Variants in NCAPH2 observed in about 807,000 individuals in gnomAD.
NCAPH2 encodes the protein condensin-2 complex subunit H2.
In NCAPH2, 56 loss-of-function variants were observed where a neutral mutation model predicts 88.6. The ratio of observed to expected loss-of-function variants is 0.63; its 90% CI spans 0.51 to 0.79. The LOEUF (loss-of-function observed/expected upper bound fraction) is 0.79. Among genes scored for constraint, NCAPH2 ranks in the 30% least tolerant of loss-of-function variants. The pLI, the probability that NCAPH2 is intolerant of heterozygous loss-of-function variation, is 0.00. For missense variants in NCAPH2, 794 were observed against 792.0 expected (o/e 1.00, Z -0.03); for synonymous variants, 378 against 313.6 (o/e 1.21, Z -2.17).
At position 50,523,615 on chromosome 22, in the gene NCAPH2, G is replaced by A; in HGVS notation, c.*240G>A. On this transcript the variant is annotated 3_prime_UTR_variant, in exon 20 of 20. Transcript: ENST00000420993. ...TGGGGCCCAGACTGCAGTGGCTCAA[G>A]ACAGGACACTGCGGAAAGCCGCCAT... The A allele has an allele frequency of 6.2e-7, 1 of 1,613,286 alleles. No individual in the cohort carries two copies. Among genetic ancestry groups the A allele is most frequent in the Non-Finnish European group, 8.5e-7 (1 of 1,179,952 alleles).
At chr22:50,520,724 A>G (rs2069063603) in intron 9 of NCAPH2, 2 of 465,746 alleles carry the variant, frequency 4.3e-6, no homozygotes, top group Admixed American at 7.4e-5. Flanking sequence ...ACACCCGGCT[A>G]ATTTTTTTTG....
intron 7 of NCAPH2, 104 bp downstream of exon 7, chr22:50,518,382 CCT>C: frequency 6.7e-7 from 1 of 1,489,202 alleles, no homozygotes; most frequent in Non-Finnish European, 9.0e-7. Context: ...TTGGGAGCTC[CCT>C]GTCTCTGGGT....
intron 1 of NCAPH2, among the ~76,000 whole-genome samples, chr22:50,516,129 C>T (rs552208417): frequency 3.8e-4 from 58 of 152,204 alleles, no homozygotes; most frequent in African/African-American, 1.3e-3. Flanking sequence ...TTCTCTGTGT[C>T]GGGGATCTTC....
intron 1 of NCAPH2, among the ~76,000 whole-genome samples, chr22:50,509,873 G>A (rs1185239041): frequency 6.6e-6 from 1 of 151,884 alleles, no homozygotes; most frequent in Non-Finnish European, 1.5e-5. Context: ...GCTTTTTCTT[G>A]GTGGAAGATC....
chr22:50,520,655 T>G, intron 9 of NCAPH2: 2 of 238,366 alleles, frequency 8.4e-6, no homozygotes, highest in South Asian at 6.7e-5. Context: ...GCCTCCTGGG[T>G]TCAAGCGATT....
chr22:50,524,635 C>T lies in NCAPH2; in HGVS notation c.*1260C>T, dbSNP rs542718693. The T allele has an allele frequency of 4.0e-5, 28 of 705,594 alleles. No homozygotes were observed. The highest frequency in any genetic ancestry group is 3.6e-4 in the South Asian group (24 of 66,658). The allele number at this position is 705,594 out of a possible 1,614,324, so 43.7% of individuals were successfully genotyped here. ...CACACCTGTCACTCCTGTCCTCTAC[C>T]TGGGATCACCAGCCTGTCACCGCAC... On this transcript the variant is annotated 3_prime_UTR_variant, in exon 20 of 20. Coordinates refer to ENST00000420993, the MANE Select transcript of NCAPH2 (RefSeq NM_152299.4).
In NCAPH2 at chr22:50,523,249, A is replaced by G. The variant is rs1258157529; in HGVS notation, c.1692A>G (p.Thr564=). Residue 564 remains threonine, a synonymous_variant, in exon 20 of 20, where the codon ACA becomes ACG. Transcript: ENST00000420993. ...LASLQLANDY[T]VEITQQPGLE... ...CACCCCTGCAGGCCAATGACTACAC[A>G]GTGGAGATAACCCAGCAGCCCGGGC... 1 of 1,612,908 alleles carries G rather than the reference A, an allele frequency of 6.2e-7. No homozygotes were observed. Among genetic ancestry groups the G allele is most frequent in the Non-Finnish European group, 8.5e-7 (1 of 1,179,620 alleles).
intron 1 of NCAPH2, among the ~76,000 whole-genome samples, chr22:50,510,950 C>T (rs1202543417): frequency 1.3e-5 from 2 of 149,036 alleles, no homozygotes; most frequent in Non-Finnish European, 3.0e-5. Context: ...GGGTTCACGC[C>T]ATTTTCCTGC....
Position 50,523,632 on chromosome 22 carries a change from A to AGCC in NCAPH2, c.*261_*263dup, listed in dbSNP as rs769127245. The AGCC allele has an allele frequency of 6.2e-7, 1 of 1,613,708 alleles. No individual in the cohort carries two copies. The highest frequency in any genetic ancestry group is 1.7e-5 in the Admixed American group (1 of 60,026). Reference sequence around the variant, plus strand: ...TGGCTCAAGACAGGACACTGCGGAAAGCCGCCATGTGCCGCCGCACACTGT... The same window carrying AGCC: ...TGGCTCAAGACAGGACACTGCGGAAAGCCGCCGCCATGTGCCGCCGCACACTGT... On this transcript the variant is annotated 3_prime_UTR_variant, in exon 20 of 20. Coordinates refer to ENST00000420993, the MANE Select transcript of NCAPH2 (RefSeq NM_152299.4).
chr22:50,521,029 G>C lies in NCAPH2; in HGVS notation c.926G>C (p.Cys309Ser). Residue 309 changes from cysteine (C) to serine (S), a missense_variant, in exon 10 of 20, where the codon TGC (cysteine) becomes TCC (serine). Cys to Ser is a moderately radical substitution (Grantham distance 112). Coordinates refer to ENST00000420993, the MANE Select transcript of NCAPH2 (RefSeq NM_152299.4). ...EREGAPEPAS[C>S]VKETPDPWQS... The stretch of plus-strand genomic sequence containing the variant: ...GAGGGGGCCCCAGAGCCTGCATCCT[G>C]CGTGAAGGTAGGAGTGTTGGGGCCC... 5.2e-6 allele frequency: 8 copies of C among 1,550,500 alleles called. No homozygotes were observed. The highest frequency in any genetic ancestry group is 7.0e-6 in the Non-Finnish European group (8 of 1,146,844).
rs1423284152 is a variant in NCAPH2, at chr22:50,523,697, C to T, written c.*322C>T. On this transcript the variant is annotated 3_prime_UTR_variant, in exon 20 of 20. Transcript: ENST00000420993. ...GCCGATCTGCTCCGGCCGTAGTAAT[C>T]CGTGAAGAGGCCGTCAGGGTTGAGC... 1 of 1,614,094 alleles carries T rather than the reference C, an allele frequency of 6.2e-7. No individual in the cohort carries two copies. Among genetic ancestry groups the T allele is most frequent in the South Asian group, 1.1e-5 (1 of 91,092 alleles).
chr22:50,524,131 A>G lies in NCAPH2; in HGVS notation c.*756A>G, dbSNP rs138294250. On this transcript the variant is annotated 3_prime_UTR_variant, in exon 20 of 20. Coordinates refer to ENST00000420993, the MANE Select transcript of NCAPH2 (RefSeq NM_152299.4). ...GCCCTGGCCCACAGCTGCCTGGCGCAGGGCTTCTGTTCGCTTTTGCTGCTG... is the reference window on the plus strand; with the variant it reads ...GCCCTGGCCCACAGCTGCCTGGCGCGGGGCTTCTGTTCGCTTTTGCTGCTG... 1.4e-5 allele frequency: 22 copies of G among 1,612,560 alleles called. No individual in the cohort carries two copies. The African/African-American group carries it at 1.9e-4, about 14-fold the overall frequency.
At chr22:50,515,195 A>C (rs1251759838) in intron 1 of NCAPH2, among the ~76,000 whole-genome samples, 1 of 152,160 alleles carries the variant, frequency 6.6e-6, no homozygotes, top group Non-Finnish European at 1.5e-5. Flanking sequence ...GCGTGGGGAC[A>C]GCTGGGGGTC....
intron 1 of NCAPH2, among the ~76,000 whole-genome samples, chr22:50,512,923 G>C (rs924964017): frequency 6.6e-6 from 1 of 152,170 alleles, no homozygotes; most frequent in African/African-American, 2.4e-5. Context: ...TGTGAATTGT[G>C]TGCCAAGAAC....
chr22:50,508,748 A>G (rs1167582744), intron 1 of NCAPH2, among the ~76,000 whole-genome samples: 1 of 152,212 alleles, frequency 6.6e-6, no homozygotes, highest in Non-Finnish European at 1.5e-5. Flanking sequence ...AGAAAGCATT[A>G]TTGCTTTTAT....
At position 50,522,876 on chromosome 22, in the gene NCAPH2, G is replaced by C; in HGVS notation, c.1481G>C (p.Arg494Pro). ...GTCCAGGAGACAGAGCTGAGCCAGC[G>C]CATCAGGGACTGGGAGGACACAGTG... ...KFVQETELSQRIRDWEDTVQP... is the reference protein window; with the variant it reads ...KFVQETELSQPIRDWEDTVQP... Residue 494 changes from arginine to proline, a missense_variant, in exon 18 of 20, where the codon CGC (arginine) becomes CCC (proline). Arg to Pro is a moderately radical substitution (Grantham distance 103, BLOSUM62 -2). Around this residue, in one of 2 missense-constraint regions of NCAPH2, gnomAD observed 735 missense variants for 696.3 expected, o/e 1.06. Coordinates refer to ENST00000420993, the MANE Select transcript of NCAPH2 (RefSeq NM_152299.4). 6.2e-7 allele frequency: 1 copy of C among 1,613,372 alleles called. No homozygotes were observed. The highest frequency in any genetic ancestry group is 2.2e-5 in the East Asian group (1 of 44,882).
In NCAPH2 at chr22:50,508,420, C is replaced by A; in HGVS notation, c.83C>A (p.Ala28Asp). 2 of 1,464,320 alleles carry A rather than the reference C, an allele frequency of 1.4e-6. No individual in the cohort carries two copies. The highest frequency in any genetic ancestry group is 3.0e-5 in the African/African-American group (2 of 67,418). The allele number at this position is 1,464,320 out of a possible 1,614,324, so 90.7% of individuals were successfully genotyped here. A position where few individuals can be genotyped will look rare whatever the true frequency, so the allele number is the denominator to read the frequency against. ...AAGAACTGGGAGGTGGACGTGGCGGCCCAGCTGGGCGAGTATCTGGAGGAG... is the reference window on the plus strand; with the variant it reads ...AAGAACTGGGAGGTGGACGTGGCGGACCAGCTGGGCGAGTATCTGGAGGAG... ...LTKNWEVDVA[A>D]QLGEYLEELD... Residue 28 changes from alanine (A) to aspartate (D), a missense_variant, in exon 1 of 20, where the codon GCC (alanine) becomes GAC (aspartate). Ala to Asp is a moderately radical substitution (Grantham distance 126). Transcript: ENST00000420993.
At chr22:50,510,216 C>T (rs1418477377) in intron 1 of NCAPH2, among the ~76,000 whole-genome samples, 2 of 151,980 alleles carry the variant, frequency 1.3e-5, no homozygotes, top group South Asian at 4.1e-4. Flanking sequence ...CCACCGCGCC[C>T]GGCCTCTTTT....
intron 1 of NCAPH2, among the ~76,000 whole-genome samples, chr22:50,515,379 A>G (rs185917846): frequency 6.6e-6 from 1 of 151,376 alleles, no homozygotes; most frequent in Non-Finnish European, 1.5e-5. Flanking sequence ...TGGGCAACAT[A>G]GAGAAACCCT....
Sources: gnomAD v4.1 joint callset for allele counts (sites outside exome capture counted in the v4.1 genomes callset) on GRCh38, gnomAD v4.1.1 for gene constraint, gnomAD v4.1.1 regional missense constraint, MANE v1.5 for transcripts, NCBI Gene and HGNC (gene_info 2026-07-23, HGNC 2026-07-21) for gene names.